DRC1: variants seen among roughly 807,000 people sequenced by gnomAD.
DRC1 encodes the protein dynein regulatory complex protein 1.
In DRC1, 74 loss-of-function variants were observed where a neutral mutation model predicts 98.7. The ratio of observed to expected loss-of-function variants is 0.75; its 90% CI spans 0.62 to 0.91. The LOEUF is 0.91. Among genes scored for constraint, DRC1 ranks in the 40% least tolerant of loss-of-function variants. The probability of loss-of-function intolerance (pLI) is 0.00; values close to 1 mark genes in which losing one functional copy is unlikely to be tolerated. For synonymous variants in DRC1, 336 were observed against 334.1 expected (o/e 1.01, Z -0.06); for missense variants, 875 against 886.0 (o/e 0.99, Z 0.16).
At position 26,445,778 on chromosome 2, in the gene DRC1, C is replaced by A. The variant is rs551692976; in HGVS notation, c.1396+830C>A. On this transcript the variant is annotated intron_variant, in intron 10 of 16. Transcript: ENST00000288710. ...GGTTCAAGCAATTCCCCTGCCTCAG[C>A]CTCCCGAGGAGCTGGGACTACAGGT... is the stretch of plus-strand genomic sequence containing the variant. Among the ~76,000 whole-genome samples the A allele has an allele frequency of 7.9e-5, 12 of 152,208 alleles. No individual in the cohort carries two copies. In the South Asian group the frequency reaches 2.5e-3, roughly 32 times the overall value.
Position 26,456,600 on chromosome 2 carries a change from C to G in DRC1, c.*83C>G. The G allele has an allele frequency of 9.1e-6, 14 of 1,536,348 alleles. No homozygotes were observed. Among genetic ancestry groups the G allele is most frequent in the Non-Finnish European group, 1.3e-5 (14 of 1,112,822 alleles). On this transcript the variant is annotated 3_prime_UTR_variant, in exon 17 of 17. Coordinates refer to ENST00000288710, the MANE Select transcript of DRC1 (RefSeq NM_145038.5). ...AGCCAGCTCATATCACCCACTGGGC[C>G]GCACCTGGGCCTGCTCTCTGGATTT... is the stretch of plus-strand genomic sequence containing the variant.
Position 26,426,695 on chromosome 2 carries a change from G to A in DRC1, c.540+2241G>A, listed in dbSNP as rs540336944. ...AGTATGTTTTGAAACCAGGAAATGT[G>A]GGGCCTCCAACTTTGTTCTTTTCTC... On this transcript the variant is annotated intron_variant, in intron 4 of 16. Coordinates refer to ENST00000288710, the MANE Select transcript of DRC1 (RefSeq NM_145038.5). 1.8e-4 allele frequency among the ~76,000 whole-genome samples: 27 copies of A among 152,172 alleles called. No individual in the cohort carries two copies. The South Asian group carries it at 5.4e-3, about 30-fold the overall frequency.
intron 10 of DRC1, among the ~76,000 whole-genome samples, chr2:26,445,246 AC>A (rs1194803271): frequency 6.6e-6 from 1 of 152,164 alleles, no homozygotes; most frequent in East Asian, 1.9e-4. Context: ...GATGTTAGCA[AC>A]CATTGCTAAT....
intron 13 of DRC1, 138 bp from the exon 14 acceptor site, chr2:26,453,182 T>C (rs1664051475): frequency 2.1e-6 from 2 of 972,578 alleles, no homozygotes; most frequent in Non-Finnish European, 3.1e-6. Flanking sequence ...TTTCTCCTGT[T>C]TCTGTCCCTG....
Position 26,450,032 on chromosome 2 carries a change from C to T in DRC1, c.1546C>T (p.Leu516=). ...AGAGAGCAAGCTGCTGAGCCTTCTC[C>T]TGCCCCTGGAGCAGAATGAATGCTA... ...LIESKLLSLL[L]PLEQNECYLL... The change falls in exon 12 of 17, where the codon CTG becomes TTG. Residue 516 remains leucine (L), a synonymous_variant. Coordinates refer to ENST00000288710, the MANE Select transcript of DRC1 (RefSeq NM_145038.5). 1.2e-6 allele frequency: 2 copies of T among 1,613,948 alleles called. No homozygotes were observed. Among genetic ancestry groups the T allele is most frequent in the Non-Finnish European group, 1.7e-6 (2 of 1,179,978 alleles).
intron 8 of DRC1, among the ~76,000 whole-genome samples, chr2:26,442,608 A>G (rs1023385271): frequency 2.6e-5 from 4 of 152,000 alleles, no homozygotes; most frequent in African/African-American, 9.7e-5. Context: ...GGTTTTGAAT[A>G]TCCCCTTTTT....
At chr2:26,421,009 C>T (rs1446655542) in intron 2 of DRC1, 1 of 198,558 alleles carries the variant, frequency 5.0e-6, no homozygotes, top group Non-Finnish European at 1.0e-5. Flanking sequence ...AATGCTCCAC[C>T]CACCTTGGCC....
chr2:26,452,230 C>G (rs1664025309), intron 13 of DRC1, among the ~76,000 whole-genome samples: 1 of 152,118 alleles, frequency 6.6e-6, no homozygotes, highest in Admixed American at 6.6e-5. Flanking sequence ...GTATCAATTA[C>G]AAAACTATAT....
chr2:26,455,114 GA>G lies in DRC1; in HGVS notation c.2064-16del, dbSNP rs762856379. 4 of 1,613,766 alleles carry G rather than the reference GA, an allele frequency of 2.5e-6. No individual in the cohort carries two copies. In the African/African-American group the frequency reaches 5.3e-5, roughly 22 times the overall value. On this transcript the variant is annotated splice_polypyrimidine_tract_variant and intron_variant, in intron 15 of 16. Transcript: ENST00000288710. ...TGGAGGATTCAGTGAGCCTCTAACC[GA>G]TTTTTCTGTCCAAAGCCTTGTCCTG...
chr2:26,402,139 G>A lies in DRC1; in HGVS notation c.150G>A (p.Arg50=), dbSNP rs768455141. The change falls in exon 1 of 17, where the codon CGG becomes CGA. Residue 50 remains arginine (R), a synonymous_variant. Coordinates refer to ENST00000288710, the MANE Select transcript of DRC1 (RefSeq NM_145038.5). ...GCATCGCTGCGCGCTTAGAAGCCCG[G>A]AGGCGGTGAGCGCGGGGGCGGGCGG... ...RLRIAARLEA[R]RREALGEYLD... 1 of 1,603,906 alleles carries A rather than the reference G, an allele frequency of 6.2e-7. No homozygotes were observed. The highest frequency in any genetic ancestry group is 1.7e-5 in the Admixed American group (1 of 59,214).
At chr2:26,438,174 T>G (rs528931371) in intron 7 of DRC1, among the ~76,000 whole-genome samples, 2 of 151,372 alleles carry the variant, frequency 1.3e-5, no homozygotes, top group South Asian at 4.2e-4. Flanking sequence ...TGTTGTAATA[T>G]TGAGGGAGGA....
intron 8 of DRC1, among the ~76,000 whole-genome samples, chr2:26,443,656 T>G (rs957495018): frequency 6.6e-6 from 1 of 152,242 alleles, no homozygotes; most frequent in Non-Finnish European, 1.5e-5. Flanking sequence ...AACATATCCT[T>G]GCGCAAAAGT....
rs548999901 is a variant in DRC1, at chr2:26,419,914, G to C, written c.244-1374G>C. ...AGCCCATTAAGGAGACAGCAGTGCA[G>C]CCAGCTACAATCTTTTCCTGCCTTA... is the stretch of plus-strand genomic sequence containing the variant. On this transcript the variant is annotated intron_variant, in intron 2 of 16. Coordinates refer to ENST00000288710, the MANE Select transcript of DRC1 (RefSeq NM_145038.5). Among the ~76,000 whole-genome samples, 4 of 152,326 alleles carry C rather than the reference G, an allele frequency of 2.6e-5. No homozygotes were observed. In the South Asian group the frequency reaches 8.3e-4, roughly 32 times the overall value.
chr2:26,423,212 G>T (rs1437946510), intron 3 of DRC1, among the ~76,000 whole-genome samples: 1 of 152,168 alleles, frequency 6.6e-6, no homozygotes, highest in Non-Finnish European at 1.5e-5. Context: ...GAATGCTGAA[G>T]GTCCCAGGTG....
chr2:26,454,153 A>G lies in DRC1; in HGVS notation c.1920-494A>G, dbSNP rs1437736837. ...TTACCCGTTGGTGGGTGGGAGCCAG[A>G]AAAGGATTTGAAGCAGCCGAAGAGC... is the stretch of plus-strand genomic sequence containing the variant. On this transcript the variant is annotated intron_variant, in intron 14 of 16. Transcript: ENST00000288710. The surrounding 1 kb of genome is among the most constrained non-coding windows in gnomAD (Gnocchi z 5.2). 6.6e-6 allele frequency among the ~76,000 whole-genome samples: 1 copy of G among 152,178 alleles called. No individual in the cohort carries two copies. The highest frequency in any genetic ancestry group is 2.4e-5 in the African/African-American group (1 of 41,436).
At chr2:26,417,870 A>G (rs1310917328) in intron 2 of DRC1, among the ~76,000 whole-genome samples, 1 of 152,194 alleles carries the variant, frequency 6.6e-6, no homozygotes, top group Admixed American at 6.5e-5. Context: ...TTCACTTGTT[A>G]ATTCTAATAG....
chr2:26,418,673 AAATATAATT>A (rs1678926589), intron 2 of DRC1, among the ~76,000 whole-genome samples: 5 of 83,846 alleles, frequency 6.0e-5, no homozygotes, highest in East Asian at 5.6e-4. Context: ...TATATAAATT[AAATATAATT>A]TATATTATAT....
At chr2:26,421,458 C>A in intron 3 of DRC1, 58 bp downstream of exon 3, 2 of 1,459,106 alleles carry the variant, frequency 1.4e-6, no homozygotes, top group Non-Finnish European at 1.9e-6. Context: ...ATGGGTCCGG[C>A]AGTTCTCCCG....
chr2:26,431,693 T>C (rs1222088110), intron 6 of DRC1, among the ~76,000 whole-genome samples, 191 bp from the exon 7 acceptor site: 1 of 152,102 alleles, frequency 6.6e-6, no homozygotes, highest in Non-Finnish European at 1.5e-5. Context: ...TCTGGAGTAA[T>C]GACCGCATTA....
Sources: gnomAD v4.1 joint callset for allele counts (sites outside exome capture counted in the v4.1 genomes callset) on GRCh38, gnomAD v4.1.1 for gene constraint, Gnocchi (gnomAD v3.1) non-coding constraint, MANE v1.5 for transcripts, NCBI Gene and HGNC (gene_info 2026-07-23, HGNC 2026-07-21) for gene names.